SMAP1: variants seen among roughly 807,000 people sequenced by gnomAD.
SMAP1 encodes the protein stromal membrane-associated protein 1.
A neutral mutation model predicts 58.5 loss-of-function variants in SMAP1; 24 were observed. The observed-to-expected ratio is 0.41, with a 90% confidence interval of 0.30 to 0.58. The LOEUF (loss-of-function observed/expected upper bound fraction) is 0.58. Among genes scored for constraint, SMAP1 ranks in the 20% least tolerant of loss-of-function variants. SMAP1 has a pLI of 0.29. For synonymous variants in SMAP1, 216 were observed against 196.6 expected (o/e 1.10, Z -0.82); for missense variants, 563 against 566.3 (o/e 0.99, Z 0.06).
chr6:70,768,043 T>A (rs1387746814), intron 3 of SMAP1, among the ~76,000 whole-genome samples: 1 of 151,978 alleles, frequency 6.6e-6, no homozygotes, highest in Non-Finnish European at 1.5e-5. Context: ...GTTTATATGC[T>A]GGATTACATT....
intron 10 of SMAP1, chr6:70,859,270 AGCTCAGGTTAAGGT>A (rs1375728086): frequency 1.6e-6 from 2 of 1,247,798 alleles, no homozygotes; most frequent in Non-Finnish European, 2.2e-6. Context: ...AAGCACACCC[AGCTCAGGTTAAGGT>A]GCTAGATGAA....
intron 4 of SMAP1, among the ~76,000 whole-genome samples, chr6:70,783,632 G>C (rs894121698): frequency 6.6e-6 from 1 of 152,156 alleles, no homozygotes; most frequent in African/African-American, 2.4e-5. Context: ...TGAAAGCCAA[G>C]GCTCAAGAAC....
At chr6:70,686,570 A>C (rs1330832072) in intron 1 of SMAP1, among the ~76,000 whole-genome samples, 1 of 152,188 alleles carries the variant, frequency 6.6e-6, no homozygotes, top group Non-Finnish European at 1.5e-5. Flanking sequence ...TGTATTTTTG[A>C]AAAAACACAC....
chr6:70,832,655 G>A (rs1027704589), intron 6 of SMAP1, among the ~76,000 whole-genome samples: 1 of 152,192 alleles, frequency 6.6e-6, no homozygotes, highest in Admixed American at 6.5e-5. Flanking sequence ...CCAGCATCTG[G>A]TGAGGTCCCT....
In SMAP1 at chr6:70,668,255, G is replaced by T. The variant is rs1166347292; in HGVS notation, c.118+114G>T. On this transcript the variant is annotated intron_variant, in intron 1 of 10. Transcript: ENST00000370455. ...GCCTCGGCTTCGCTGGCCGGCTCCT[G>T]CCCTGACTGGAGGGCGGGTGGCTGA... The T allele has an allele frequency of 4.0e-6, 4 of 989,944 alleles. No individual in the cohort carries two copies. The South Asian group carries it at 5.2e-5, about 13-fold the overall frequency. The allele number at this position is 989,944 out of a possible 1,614,324, so 61.3% of individuals were successfully genotyped here.
At chr6:70,803,235 G>T (rs111227302) in intron 6 of SMAP1, among the ~76,000 whole-genome samples, 113 of 152,228 alleles carry the variant, frequency 7.4e-4, no homozygotes, top group African/African-American at 2.1e-3. Context: ...TCTTGGGAGG[G>T]TGTATGTGTC....
intron 1 of SMAP1, among the ~76,000 whole-genome samples, chr6:70,674,939 C>T (rs1254616120): frequency 6.6e-6 from 1 of 152,166 alleles, no homozygotes; most frequent in African/African-American, 2.4e-5. Flanking sequence ...GGCGCCACTG[C>T]ACTCCATCCA....
intron 2 of SMAP1, among the ~76,000 whole-genome samples, chr6:70,743,882 A>G (rs1765912346): frequency 6.6e-6 from 1 of 152,200 alleles, no homozygotes. Flanking sequence ...AACAAAATTT[A>G]ATCTGTGAAG....
chr6:70,812,346 A>G (rs1376538061), intron 6 of SMAP1, among the ~76,000 whole-genome samples: 2 of 152,236 alleles, frequency 1.3e-5, no homozygotes, highest in African/African-American at 4.8e-5. Context: ...AAAATCACAC[A>G]TCTTTTTATC....
In SMAP1 at chr6:70,670,578, A is replaced by G. The variant is rs1328328546; in HGVS notation, c.118+2437A>G. Among the ~76,000 whole-genome samples, 5 of 152,184 alleles carry G rather than the reference A, an allele frequency of 3.3e-5. No homozygotes were observed. In the East Asian group the frequency reaches 9.6e-4, roughly 29 times the overall value. On this transcript the variant is annotated intron_variant, in intron 1 of 10. Coordinates refer to ENST00000370455, the MANE Select transcript of SMAP1 (RefSeq NM_001044305.3). ...ATAATAAATATAGTACTTTTAAAAG[A>G]TATGTTAAAGGTCTTACTCTACAGC...
At chr6:70,680,610 C>G (rs768682668) in intron 1 of SMAP1, among the ~76,000 whole-genome samples, 3 of 147,880 alleles carry the variant, frequency 2.0e-5, no homozygotes, top group Non-Finnish European at 4.5e-5. Context: ...TTTTACAGTA[C>G]AAAGCAATGA....
intron 1 of SMAP1, among the ~76,000 whole-genome samples, chr6:70,720,613 T>C (rs1562113563): frequency 6.6e-6 from 1 of 152,236 alleles, no homozygotes; most frequent in Non-Finnish European, 1.5e-5. Flanking sequence ...TGCCTGGGCA[T>C]CCAGGCGTTT....
intron 7 of SMAP1, among the ~76,000 whole-genome samples, chr6:70,849,727 T>A (rs1392307163): frequency 6.6e-6 from 1 of 152,238 alleles, no homozygotes; most frequent in Non-Finnish European, 1.5e-5. Flanking sequence ...TTTAAACTTG[T>A]GGTAAAACAC....
intron 1 of SMAP1, among the ~76,000 whole-genome samples, chr6:70,720,133 T>C (rs770397675): frequency 1.3e-5 from 2 of 152,138 alleles, no homozygotes; most frequent in African/African-American, 2.4e-5. Flanking sequence ...ACTTCCCAGA[T>C]ACAATGGGGG....
chr6:70,729,459 TTGTGTGTG>T (rs35058846), intron 1 of SMAP1, among the ~76,000 whole-genome samples: 16 of 128,166 alleles, frequency 1.2e-4, no homozygotes, highest in Middle Eastern at 4.5e-3. Context: ...AAAAAGAAGG[TTGTGTGTG>T]TGTGTGTGTG....
At chr6:70,739,314 T>C (rs558433798) in intron 2 of SMAP1, among the ~76,000 whole-genome samples, 21 of 152,238 alleles carry the variant, frequency 1.4e-4, no homozygotes, top group African/African-American at 4.3e-4. Flanking sequence ...AAGAGAAACA[T>C]AAATAAAATA....
In SMAP1 at chr6:70,703,365, C is replaced by T. The variant is rs894214167; in HGVS notation, c.119-29013C>T. On this transcript the variant is annotated intron_variant, in intron 1 of 10. Transcript: ENST00000370455. The stretch of plus-strand genomic sequence containing the variant: ...GTGGGATTACAGGTGTGAGCCACCA[C>T]GCTCAGCCAGCATTTTTCAATTGAA... 4.6e-5 allele frequency among the ~76,000 whole-genome samples: 7 copies of T among 152,286 alleles called. No individual in the cohort carries two copies. In the South Asian group the frequency reaches 1.0e-3, roughly 23 times the overall value.
intron 2 of SMAP1, among the ~76,000 whole-genome samples, chr6:70,740,601 A>G (rs540949986): frequency 2.0e-5 from 3 of 152,140 alleles, no homozygotes; most frequent in Admixed American, 1.3e-4. Context: ...TTTTGAGTCA[A>G]TTCCCAGGTT....
chr6:70,819,890 T>A (rs570421702), intron 6 of SMAP1, among the ~76,000 whole-genome samples: 24 of 152,300 alleles, frequency 1.6e-4, no homozygotes, highest in African/African-American at 5.5e-4. Flanking sequence ...GCCTGTGGTT[T>A]CAAACATTGG....
Sources: allele counts gnomAD v4.1 joint callset (sites outside exome capture counted in the v4.1 genomes callset), GRCh38; gene constraint gnomAD v4.1.1; transcripts MANE v1.5; gene names NCBI Gene and HGNC (gene_info 2026-07-23, HGNC 2026-07-21).